The following EDIL3 variants were observed in gnomAD, a reference collection of about 807,000 sequenced individuals.
EDIL3 encodes EGF-like repeat and discoidin I-like domain-containing protein 3.
Under a neutral mutation model 67.4 loss-of-function variants are expected in EDIL3, and 37 were observed. The ratio of observed to expected loss-of-function variants is 0.55; its 90% CI spans 0.42 to 0.72. EDIL3 has a LOEUF of 0.72. EDIL3 is among the 30% of genes least tolerant of loss of function. The pLI is 0.00. For synonymous variants in EDIL3, 195 were observed against 196.3 expected (o/e 0.99, Z 0.05); for missense variants, 527 against 586.3 (o/e 0.90, Z 1.04).
At chr5:84,088,638 T>C (rs1232135532) in intron 6 of EDIL3, among the ~76,000 whole-genome samples, 4 of 152,178 alleles carry the variant, frequency 2.6e-5, no homozygotes, top group Non-Finnish European at 4.4e-5. Flanking sequence ...CCATGTATTA[T>C]GAATTCAGAG....
At chr5:84,275,929 T>C (rs888213025) in intron 1 of EDIL3, among the ~76,000 whole-genome samples, 1 of 152,240 alleles carries the variant, frequency 6.6e-6, no homozygotes, top group African/African-American at 2.4e-5. Flanking sequence ...GGTCTCATTA[T>C]GGAAAGACTG....
At chr5:84,256,070 G>A (rs920019242) in intron 1 of EDIL3, among the ~76,000 whole-genome samples, 2 of 152,070 alleles carry the variant, frequency 1.3e-5, no homozygotes, top group African/African-American at 4.8e-5. Flanking sequence ...ATTGATGACT[G>A]ATAAAGATAC....
chr5:83,945,607 C>A (rs1046247988), intron 10 of EDIL3, among the ~76,000 whole-genome samples: 3 of 151,788 alleles, frequency 2.0e-5, no homozygotes, highest in Non-Finnish European at 4.4e-5. Context: ...GGTTTTGATG[C>A]GAACTATCAA....
chr5:84,340,790 A>G (rs1747095686), intron 1 of EDIL3, among the ~76,000 whole-genome samples: 2 of 151,498 alleles, frequency 1.3e-5, no homozygotes, highest in South Asian at 4.2e-4. Flanking sequence ...CCCCTGCACT[A>G]TTCTCCATCA....
At chr5:83,963,134 T>C (rs1744632632) in intron 10 of EDIL3, 71 bp downstream of exon 10, 1 of 1,499,476 alleles carries the variant, frequency 6.7e-7, no homozygotes, top group Non-Finnish European at 8.9e-7. Flanking sequence ...TATAAGCAGT[T>C]AATTCAATCA....
chr5:83,970,684 T>TATAG lies in EDIL3; in HGVS notation c.1138-7325_1138-7324insCTAT, dbSNP rs1491469489. 6.2e-4 allele frequency among the ~76,000 whole-genome samples: 82 copies of TATAG among 131,492 alleles called. 2 individuals carry two copies. The highest frequency in any genetic ancestry group is 2.2e-3 in the African/African-American group (79 of 36,268). 86.3% of individuals were successfully genotyped at this position (131,492 alleles called of 152,430 possible). On this transcript the variant is annotated intron_variant, in intron 9 of 10. Coordinates refer to ENST00000296591, the MANE Select transcript of EDIL3 (RefSeq NM_005711.5). ...ATATATATATATATATATATATATA[T>TATAG]TTAAGAACATAATTTTTTCAACACT...
At chr5:84,113,016 A>T (rs1350697588) in intron 5 of EDIL3, among the ~76,000 whole-genome samples, 1 of 152,126 alleles carries the variant, frequency 6.6e-6, no homozygotes, top group East Asian at 1.9e-4. Context: ...ATGATGAGTA[A>T]AGAAGAGCAC....
At chr5:84,200,686 G>A (rs2112377657) in intron 3 of EDIL3, among the ~76,000 whole-genome samples, 1 of 152,112 alleles carries the variant, frequency 6.6e-6, no homozygotes, top group African/African-American at 2.4e-5. Context: ...TAATAGCACT[G>A]AAACTCATTT....
intron 1 of EDIL3, among the ~76,000 whole-genome samples, chr5:84,341,871 C>T (rs1033117585): frequency 1.3e-5 from 2 of 151,954 alleles, no homozygotes; most frequent in African/African-American, 2.4e-5. Flanking sequence ...GAGTATAATG[C>T]AAGTATTATA....
intron 1 of EDIL3, among the ~76,000 whole-genome samples, chr5:84,329,519 T>G (rs1746829629): frequency 6.6e-6 from 1 of 152,154 alleles, no homozygotes; most frequent in Non-Finnish European, 1.5e-5. Flanking sequence ...TATGACACTG[T>G]GCCACATCAT....
intron 3 of EDIL3, among the ~76,000 whole-genome samples, chr5:84,191,349 A>T (rs1326893204): frequency 6.6e-6 from 1 of 152,162 alleles, no homozygotes; most frequent in Middle Eastern, 3.4e-3. Flanking sequence ...TTAATCATGA[A>T]GCAGAGAGAT....
At chr5:83,943,677 T>C (rs1486608929) in intron 10 of EDIL3, 109 bp from the exon 11 acceptor site, 6 of 1,278,510 alleles carry the variant, frequency 4.7e-6, no homozygotes, top group Middle Eastern at 2.7e-4. Context: ...TGATAACTAT[T>C]CATTTTCTTT....
intron 4 of EDIL3, among the ~76,000 whole-genome samples, chr5:84,169,481 T>G (rs1748770992): frequency 1.3e-5 from 2 of 151,996 alleles, no homozygotes; most frequent in Admixed American, 6.6e-5. Flanking sequence ...GTCATCACAG[T>G]CAATATACGA....
intron 10 of EDIL3, among the ~76,000 whole-genome samples, chr5:83,945,353 T>C (rs1744292603): frequency 6.6e-6 from 1 of 151,992 alleles, no homozygotes; most frequent in Non-Finnish European, 1.5e-5. Context: ...ACATCCTCTC[T>C]GACATATGAT....
chr5:84,060,377 T>C lies in EDIL3; in HGVS notation c.1060A>G (p.Arg354Gly), dbSNP rs775447084. The C allele has an allele frequency of 3.7e-6, 6 of 1,613,768 alleles. No homozygotes were observed. The Admixed American group carries it at 5.0e-5, about 13-fold the overall frequency. ...LNMDMFTWEP[R>G]KARLDKQGKV... ...CCTTGCTTGTCCAGCCGAGCTTTCC[T>C]TGGTTCCCAAGTGAACATGTCCATG... Residue 354 changes from arginine to glycine, a missense_variant, in exon 9 of 11, where the codon AGG becomes GGG. Transcript: ENST00000296591.
intron 2 of EDIL3, among the ~76,000 whole-genome samples, chr5:84,233,741 A>T (rs1561229742): frequency 6.6e-6 from 1 of 152,138 alleles, no homozygotes; most frequent in Non-Finnish European, 1.5e-5. Flanking sequence ...CTTGGAAAAA[A>T]AAGGCCTCCT....
intron 4 of EDIL3, among the ~76,000 whole-genome samples, chr5:84,176,827 A>AT (rs3046875): frequency 1.1e-4 from 17 of 151,622 alleles, no homozygotes; most frequent in East Asian, 7.8e-4. Flanking sequence ...ATATATATAT[A>AT]AAATTTGATA....
rs202185837 is a variant in EDIL3 at position 84,101,860 on chromosome 5, A to C, written c.651+4789T>G. Among the ~76,000 whole-genome samples, 1,440 of 152,186 alleles carry C rather than the reference A, an allele frequency of 9.5e-3. 56 individuals are homozygous for C. In the East Asian group the frequency reaches 0.1, roughly 11 times the overall value. ...CCTGATACCAAAACCAGGCAGAGAC[A>C]AAACAAAAACAGAAAACTTCAGGAC... On this transcript the variant is annotated intron_variant, in intron 6 of 10. Coordinates refer to ENST00000296591, the MANE Select transcript of EDIL3 (RefSeq NM_005711.5).
At chr5:84,143,862 A>G (rs946499580) in intron 4 of EDIL3, among the ~76,000 whole-genome samples, 2 of 152,068 alleles carry the variant, frequency 1.3e-5, no homozygotes, top group Non-Finnish European at 2.9e-5. Context: ...TAGCATAGTC[A>G]CTGGCCCTGC....
Sources: gnomAD v4.1 joint callset for allele counts (sites outside exome capture counted in the v4.1 genomes callset) on GRCh38, gnomAD v4.1.1 for gene constraint, MANE v1.5 for transcripts, NCBI Gene and HGNC (gene_info 2026-07-23, HGNC 2026-07-21) for gene names.